The following GALNT13 variants were observed in gnomAD, a reference collection of about 807,000 sequenced individuals.
The protein encoded by GALNT13 is UDP-GalNAc:polypeptide N-acetylgalactosaminyltransferase 13.
Under a neutral mutation model 64.2 loss-of-function variants are expected in GALNT13, and 28 were observed. The observed-to-expected ratio is 0.44, with a 90% CI of 0.32 to 0.60. The LOEUF (loss-of-function observed/expected upper bound fraction) is 0.60, where lower values mean the gene tolerates loss of function less well. GALNT13 is among the 20% of genes least tolerant of loss of function. GALNT13 has a pLI of 0.05. For synonymous variants in GALNT13, 214 were observed against 224.6 expected (o/e 0.95, Z 0.42); for missense variants, 577 against 669.8 (o/e 0.86, Z 1.53).
intron 3 of GALNT13, among the ~76,000 whole-genome samples, chr2:154,083,349 G>A (rs192449199): frequency 3.9e-5 from 6 of 152,078 alleles, no homozygotes; most frequent in African/African-American, 1.4e-4. Flanking sequence ...GTAGCATGGT[G>A]CCTCCAGCTT....
At chr2:153,994,430 C>T (rs1695380242) in intron 3 of GALNT13, among the ~76,000 whole-genome samples, 1 of 152,116 alleles carries the variant, frequency 6.6e-6, no homozygotes, top group Admixed American at 6.5e-5. Flanking sequence ...GGGTGTATAC[C>T]CAGTAATGGG....
chr2:153,619,852 T>C, the GALNT13 span, among the ~76,000 whole-genome samples: 3 of 152,160 alleles, frequency 2.0e-5, no homozygotes, highest in Non-Finnish European at 2.9e-5. Context: ...GTTTCTTTTC[T>C]CTTGCTGCTT....
the GALNT13 span, among the ~76,000 whole-genome samples, chr2:153,126,296 GTA>G: frequency 2.6e-3 from 305 of 118,262 alleles, 1 homozygote; most frequent in African/African-American, 6.8e-3. Context: ...TATTGATTTT[GTA>G]TATATATATA....
At chr2:153,493,861 T>C in the GALNT13 span, among the ~76,000 whole-genome samples, 2 of 151,948 alleles carry the variant, frequency 1.3e-5, no homozygotes, top group Non-Finnish European at 1.5e-5. Flanking sequence ...TAGTAGTTTG[T>C]TGTATTAGTT....
At chr2:154,067,922 G>A (rs1263054409) in intron 3 of GALNT13, among the ~76,000 whole-genome samples, 2 of 115,410 alleles carry the variant, frequency 1.7e-5, no homozygotes, top group Non-Finnish European at 4.0e-5. Flanking sequence ...AACAAAGTGG[G>A]AAGACAACCC....
chr2:153,994,303 A>G (rs143630303), intron 3 of GALNT13, among the ~76,000 whole-genome samples: 9,570 of 152,192 alleles, frequency 0.063, 399 homozygotes, highest in Middle Eastern at 0.13. Flanking sequence ...CATTTTCTTA[A>G]TCCAGCCTAT....
chr2:153,928,118 A>G (rs887113167), intron 2 of GALNT13, among the ~76,000 whole-genome samples: 14 of 151,930 alleles, frequency 9.2e-5, no homozygotes, highest in African/African-American at 3.4e-4. Flanking sequence ...TCCCCCATTA[A>G]TTGTCAACCA....
chr2:153,097,875 G>A, the GALNT13 span, among the ~76,000 whole-genome samples: 1 of 152,252 alleles, frequency 6.6e-6, no homozygotes, highest in Admixed American at 6.5e-5. Flanking sequence ...AGACCGGCCT[G>A]GCTAACATGG....
Position 154,361,053 on chromosome 2 carries a change from G to A in GALNT13, c.1157-34938G>A, listed in dbSNP as rs1024285518. On this transcript the variant is annotated intron_variant, in intron 9 of 12. Coordinates refer to ENST00000392825, the MANE Select transcript of GALNT13 (RefSeq NM_052917.4). ...CAATTGGAGCATGGAGTGAGTGGTG[G>A]GGAAGAAAGTAAAGTGATCTTGCAT... Among the ~76,000 whole-genome samples the A allele has an allele frequency of 2.0e-5, 3 of 151,964 alleles. 1 individual carries two copies. The East Asian group carries it at 5.8e-4, about 29-fold the overall frequency.
chr2:153,936,881 C>A (rs565895447), intron 2 of GALNT13, among the ~76,000 whole-genome samples: 2 of 151,956 alleles, frequency 1.3e-5, no homozygotes, highest in African/African-American at 4.8e-5. Context: ...CCACCATGCC[C>A]GGCTAGTTTT....
chr2:153,647,011 T>C, the GALNT13 span, among the ~76,000 whole-genome samples: 4,266 of 152,278 alleles, frequency 0.028, 81 homozygotes, highest in Non-Finnish European at 0.041. Context: ...ATGGTATTTC[T>C]AGTTCTAGAT....
intron 2 of GALNT13, among the ~76,000 whole-genome samples, chr2:153,924,699 T>G (rs1689995166): frequency 6.6e-6 from 1 of 152,178 alleles, no homozygotes; most frequent in Non-Finnish European, 1.5e-5. Flanking sequence ...CGTCCCTTTT[T>G]CTCCACGACC....
chr2:153,276,595 G>T, the GALNT13 span, among the ~76,000 whole-genome samples: 1 of 151,886 alleles, frequency 6.6e-6, no homozygotes, highest in African/African-American at 2.4e-5. Flanking sequence ...ATGTTTTCCT[G>T]TTCTGTTAAT....
chr2:153,741,500 G>A, the GALNT13 span, among the ~76,000 whole-genome samples: 14,320 of 151,562 alleles, frequency 0.094, 793 homozygotes, highest in African/African-American at 0.14. Flanking sequence ...TCATTTCTTG[G>A]TATTTCTTGA....
At chr2:153,710,524 G>A in the GALNT13 span, among the ~76,000 whole-genome samples, 7 of 152,230 alleles carry the variant, frequency 4.6e-5, no homozygotes, top group South Asian at 1.4e-3. Flanking sequence ...ACTGGTGTAA[G>A]TAATTTTCTT....
the GALNT13 span, among the ~76,000 whole-genome samples, chr2:153,465,738 A>G: frequency 6.6e-6 from 1 of 151,996 alleles, no homozygotes; most frequent in Non-Finnish European, 1.5e-5. Flanking sequence ...AGCCATTTTG[A>G]GTGTAACTTC....
At chr2:154,433,614 G>A (rs896214983) in intron 11 of GALNT13, among the ~76,000 whole-genome samples, 3 of 152,152 alleles carry the variant, frequency 2.0e-5, no homozygotes, top group African/African-American at 7.2e-5. Context: ...TCTGCAGGCT[G>A]CCAACATAAA....
the GALNT13 span, among the ~76,000 whole-genome samples, chr2:153,360,128 G>A: frequency 6.6e-6 from 1 of 152,176 alleles, no homozygotes; most frequent in African/African-American, 2.4e-5. Flanking sequence ...TAGGCAGCTG[G>A]CATGACCCAC....
the GALNT13 span, among the ~76,000 whole-genome samples, chr2:153,444,767 G>T: frequency 6.6e-6 from 1 of 152,022 alleles, no homozygotes; most frequent in Non-Finnish European, 1.5e-5. Flanking sequence ...ATGTATCAGT[G>T]TTTTTTTCTA....
Sources: allele counts gnomAD v4.1 joint callset (sites outside exome capture counted in the v4.1 genomes callset), GRCh38; gene constraint gnomAD v4.1.1; transcripts MANE v1.5; gene names NCBI Gene and HGNC (gene_info 2026-07-23, HGNC 2026-07-21).